The following SLC18A2 variants were observed in gnomAD, a reference collection of about 807,000 sequenced individuals.
SLC18A2 encodes the protein synaptic vesicular amine transporter.
In SLC18A2, 33 loss-of-function variants were observed where a neutral mutation model predicts 59.2. The observed-to-expected ratio is 0.56, with a 90% CI of 0.42 to 0.75. The LOEUF (loss-of-function observed/expected upper bound fraction) is 0.75, where lower values mean the gene tolerates loss of function less well. SLC18A2 is among the 30% of genes least tolerant of loss of function. The probability of loss-of-function intolerance (pLI) is 0.00; values close to 1 mark genes in which losing one functional copy is unlikely to be tolerated. For missense variants in SLC18A2, 569 were observed against 668.6 expected (o/e 0.85, Z 1.64); for synonymous variants, 228 against 253.5 (o/e 0.90, Z 0.95).
At position 117,244,060 on chromosome 10, in the gene SLC18A2, A is replaced by G. The variant is rs1486474183; in HGVS notation, c.211A>G (p.Ile71Val). ...GGCCAGGCCAGTGCACACTGCCTCC[A>G]TCTCAGACAGCTTCCAGAGCATCTT... is the stretch of plus-strand genomic sequence containing the variant. The part of the protein sequence containing the change: ...QTARPVHTAS[I>V]SDSFQSIFSY... Residue 71 changes from isoleucine (I) to valine (V), a missense_variant, in exon 3 of 16, where the codon ATC becomes GTC. Physicochemically the swap from Ile to Val is conservative, Grantham distance 29 (BLOSUM62 3). Coordinates refer to ENST00000644641, the MANE Select transcript of SLC18A2 (RefSeq NM_003054.6). 1.2e-6 allele frequency: 2 copies of G among 1,614,096 alleles called. No individual in the cohort carries two copies. The highest frequency in any genetic ancestry group is 2.7e-5 in the African/African-American group (2 of 74,932).
At chr10:117,250,985 C>T (rs1844157049) in intron 3 of SLC18A2, among the ~76,000 whole-genome samples, 1 of 152,158 alleles carries the variant, frequency 6.6e-6, no homozygotes, top group Admixed American at 6.5e-5. Context: ...CCTGAAACCA[C>T]CCAGTGTTTC....
chr10:117,269,262 CAT>C lies in SLC18A2; in HGVS notation c.1187-807_1187-806del, dbSNP rs748158923. Among the ~76,000 whole-genome samples the C allele has an allele frequency of 3.3e-5, 5 of 152,008 alleles. No individual in the cohort carries two copies. The highest frequency in any genetic ancestry group is 4.4e-5 in the Non-Finnish European group (3 of 68,016). On this transcript the variant is annotated intron_variant, in intron 13 of 15. Transcript: ENST00000644641. The surrounding 1 kb of genome is among the most constrained non-coding windows in gnomAD (Gnocchi z 5.1). ...ATACACAAACACATATACACAGACA[CAT>C]ACACATGCAAACACATGTACACACA...
intron 3 of SLC18A2, among the ~76,000 whole-genome samples, chr10:117,252,102 G>C (rs567242959): frequency 1.3e-5 from 2 of 149,870 alleles, no homozygotes; most frequent in South Asian, 2.1e-4. Flanking sequence ...GGGATTACAG[G>C]TGTGCACTAC....
chr10:117,250,697 T>A (rs968061601), intron 3 of SLC18A2, among the ~76,000 whole-genome samples: 6 of 152,162 alleles, frequency 3.9e-5, no homozygotes, highest in Non-Finnish European at 8.8e-5. Context: ...TTGGGGCAAG[T>A]AATTCACCTC....
intron 6 of SLC18A2, 47 bp from the exon 7 acceptor site, chr10:117,255,230 G>A: frequency 6.6e-7 from 1 of 1,519,884 alleles, no homozygotes; most frequent in Non-Finnish European, 9.1e-7. Flanking sequence ...AGTACAGGGA[G>A]AGGGCATGTG....
chr10:117,241,326 G>C (rs1589975795), intron 1 of SLC18A2, 106 bp downstream of exon 1: 1 of 187,496 alleles, frequency 5.3e-6, no homozygotes, highest in Admixed American at 6.4e-5. Context: ...GGGCGGGGCT[G>C]CGGGGACCCC....
Position 117,278,767 on chromosome 10 carries a change from A to G in SLC18A2, c.*1501A>G, listed in dbSNP as rs1284241653. ...CATGAAGCTTTTCTGTGGGGCTTCG[A>G]TTATTTCAAGTCTGGTTTCTAAGTG... On this transcript the variant is annotated 3_prime_UTR_variant, in exon 16 of 16. Coordinates refer to ENST00000644641, the MANE Select transcript of SLC18A2 (RefSeq NM_003054.6). The G allele has an allele frequency of 6.6e-6, 1 of 152,200 alleles. No homozygotes were observed. The highest frequency in any genetic ancestry group is 1.5e-5 in the Non-Finnish European group (1 of 68,032). The allele number at this position is 152,200 out of a possible 1,614,324, so 9.4% of individuals were successfully genotyped here.
intron 9 of SLC18A2, among the ~76,000 whole-genome samples, chr10:117,255,933 C>T (rs986329655): frequency 3.9e-5 from 6 of 152,112 alleles, no homozygotes; most frequent in Non-Finnish European, 7.4e-5. Context: ...TGGGGATGCC[C>T]GGCTGGGTTT....
chr10:117,277,120 T>C, intron 15 of SLC18A2, 42 bp from the exon 16 acceptor site: 1 of 1,124,476 alleles, frequency 8.9e-7, no homozygotes. Context: ...CTTATCTTTA[T>C]GAAACAAGAA....
chr10:117,276,069 T>C (rs1844486090), intron 15 of SLC18A2, among the ~76,000 whole-genome samples: 1 of 150,826 alleles, frequency 6.6e-6, no homozygotes, highest in Admixed American at 6.6e-5. Context: ...GGCAGGAAGA[T>C]CACTTGAGCC....
At chr10:117,271,923 G>A (rs73393095) in intron 15 of SLC18A2, among the ~76,000 whole-genome samples, 3,386 of 152,288 alleles carry the variant, frequency 0.022, 129 homozygotes, top group African/African-American at 0.077. Flanking sequence ...ATATATGTGT[G>A]TATATGTGTT....
At chr10:117,249,096 C>G (rs1430443628) in intron 3 of SLC18A2, among the ~76,000 whole-genome samples, 5 of 152,232 alleles carry the variant, frequency 3.3e-5, no homozygotes, top group African/African-American at 9.6e-5. Flanking sequence ...GCCAGTGGGT[C>G]TGAAGTGGGC....
At position 117,261,230 on chromosome 10, in the gene SLC18A2, A is replaced by C. The variant is rs146690145; in HGVS notation, c.991+3338A>C. On this transcript the variant is annotated intron_variant, in intron 10 of 15. Coordinates refer to ENST00000644641, the MANE Select transcript of SLC18A2 (RefSeq NM_003054.6). Reference sequence around the variant, plus strand: ...CAAAACAAAACAAAACAAAAAACCCAAAAACAGCAACAAAAAAATTAGCCA... The same window carrying C: ...CAAAACAAAACAAAACAAAAAACCCCAAAACAGCAACAAAAAAATTAGCCA... Among the ~76,000 whole-genome samples, 297 of 83,856 alleles carry C rather than the reference A, an allele frequency of 3.5e-3. 1 individual carries two copies. The highest frequency in any genetic ancestry group is 0.01 in the African/African-American group (284 of 27,556). 55.0% of individuals were successfully genotyped at this position (83,856 alleles called of 152,430 possible).
At chr10:117,259,582 T>C (rs75201133) in intron 10 of SLC18A2, among the ~76,000 whole-genome samples, 1,895 of 152,310 alleles carry the variant, frequency 0.012, 44 homozygotes, top group African/African-American at 0.044. Context: ...GCAAATATTT[T>C]ACCCTTATCC....
rs1182963631 is a variant in SLC18A2, at chr10:117,267,683, C to CA, written c.1139dup (p.Asn380LysfsTer81). On this transcript the variant is annotated frameshift_variant, in exon 13 of 16. Transcript: ENST00000644641. LOFTEE classifies it high-confidence loss of function. ...TATTTCCTCTTACAGATTCCATTTG[C>CA]AAAAAACATTTATGGACTCATAGCT... The CA allele has an allele frequency of 1.7e-5, 27 of 1,562,486 alleles. No individual in the cohort carries two copies. Among genetic ancestry groups the CA allele is most frequent in the Non-Finnish European group, 2.3e-5 (26 of 1,140,462 alleles).
At chr10:117,257,196 G>A (rs1217977283) in intron 9 of SLC18A2, among the ~76,000 whole-genome samples, 1 of 152,194 alleles carries the variant, frequency 6.6e-6, no homozygotes, top group Non-Finnish European at 1.5e-5. Context: ...GAACAGTTCC[G>A]TGGGTCTTTT....
chr10:117,255,410 TGCTGGCACGC>T, intron 7 of SLC18A2, 44 bp downstream of exon 7: 1 of 1,613,728 alleles, frequency 6.2e-7, no homozygotes, highest in Non-Finnish European at 8.5e-7. Context: ...CTTGGCATCG[TGCTGGCACGC>T]GCTTGGGCCA....
intron 3 of SLC18A2, 34 bp from the exon 4 acceptor site, chr10:117,253,364 AG>A (rs778388126): frequency 6.5e-7 from 1 of 1,527,312 alleles, no homozygotes; most frequent in Non-Finnish European, 9.1e-7. Context: ...AATAGCCTGC[AG>A]TCACCAGATT....
intron 5 of SLC18A2, 23 bp downstream of exon 5, chr10:117,254,154 A>T: frequency 6.2e-7 from 1 of 1,609,994 alleles, no homozygotes; most frequent in Non-Finnish European, 8.5e-7. Context: ...TGCCTGAGTG[A>T]GTTCGTGAGG....
Sources: allele counts gnomAD v4.1 joint callset (sites outside exome capture counted in the v4.1 genomes callset), GRCh38; gene constraint gnomAD v4.1.1; non-coding constraint Gnocchi (gnomAD v3.1); transcripts MANE v1.5; gene names NCBI Gene and HGNC (gene_info 2026-07-23, HGNC 2026-07-21).